The following CRISPLD2 variants were observed in gnomAD, a reference collection of about 807,000 sequenced individuals.
CRISPLD2 encodes cysteine rich secretory protein LCCL domain containing 2, also known as cysteine-rich secretory protein LCCL domain-containing 2.
In CRISPLD2, 47 loss-of-function variants were observed where a neutral mutation model predicts 71.1. The ratio of observed to expected loss-of-function variants is 0.66; its 90% confidence interval spans 0.52 to 0.84. The LOEUF (loss-of-function observed/expected upper bound fraction) is 0.84. Among genes scored for constraint, CRISPLD2 ranks in the 40% least tolerant of loss-of-function variants. The pLI is 0.00. For missense variants in CRISPLD2, 830 were observed against 651.1 expected (o/e 1.27, Z -2.99); for synonymous variants, 317 against 250.1 (o/e 1.27, Z -2.52).
At chr16:84,902,473 G>A (rs2071763821) in intron 14 of CRISPLD2, among the ~76,000 whole-genome samples, 1 of 151,716 alleles carries the variant, frequency 6.6e-6, no homozygotes, top group Admixed American at 6.6e-5. Flanking sequence ...AGCCAGGCGT[G>A]GTGTTGGACA....
chr16:84,833,630 C>A (rs1916541511), intron 1 of CRISPLD2, among the ~76,000 whole-genome samples: 1 of 152,188 alleles, frequency 6.6e-6, no homozygotes, highest in South Asian at 2.1e-4. Flanking sequence ...GCTAGGAGGG[C>A]ACTCTGCAGG....
In CRISPLD2 at chr16:84,845,833, G is replaced by C. The variant is rs770486357; in HGVS notation, c.288G>C (p.Gln96His). Residue 96 changes from glutamine (Q) to histidine (H), a missense_variant, in exon 3 of 15, where the codon CAG becomes CAC. Transcript: ENST00000262424. ...LEKSAAAWAS[Q>H]CIWEHGPTSL... ...AGTCTGCTGCAGCGTGGGCCAGTCA[G>C]TGCATCTGGGAGCACGGGCCCACCA... The C allele has an allele frequency of 8.7e-6, 14 of 1,614,010 alleles. No individual in the cohort carries two copies. The highest frequency in any genetic ancestry group is 1.1e-5 in the Non-Finnish European group (13 of 1,179,968).
At chr16:84,904,244 G>A (rs2646112) in intron 14 of CRISPLD2, among the ~76,000 whole-genome samples, 29,919 of 152,114 alleles carry the variant, frequency 0.2, 5,056 homozygotes, top group East Asian at 0.47. Flanking sequence ...TACAGCGACA[G>A]TGATCAAGAT....
chr16:84,865,139 C>T (rs1917499434), intron 6 of CRISPLD2, among the ~76,000 whole-genome samples: 1 of 151,906 alleles, frequency 6.6e-6, no homozygotes, highest in Non-Finnish European at 1.5e-5. Context: ...GATTGAGGAA[C>T]ACCTGATGAA....
chr16:84,889,841 A>G (rs1382818716), intron 14 of CRISPLD2, among the ~76,000 whole-genome samples: 1 of 151,938 alleles, frequency 6.6e-6, no homozygotes, highest in Non-Finnish European at 1.5e-5. Context: ...CATACTAGTC[A>G]TATAAAGCTA....
rs73251595 is a variant in CRISPLD2 at position 84,884,720 on chromosome 16, G to T, written c.1305+4136G>T. Among the ~76,000 whole-genome samples the T allele has an allele frequency of 1.8e-3, 269 of 152,290 alleles. 1 individual carries two copies. Among genetic ancestry groups the T allele is most frequent in the African/African-American group, 6.0e-3 (248 of 41,562 alleles). On this transcript the variant is annotated intron_variant, in intron 13 of 14. Transcript: ENST00000262424. Reference sequence around the variant, plus strand: ...CGGGCCTGTGGAGTGAGAAAGATCCGGCCATGGGTGTGAGCTTTTCGTACT... The same window carrying T: ...CGGGCCTGTGGAGTGAGAAAGATCCTGCCATGGGTGTGAGCTTTTCGTACT...
chr16:84,853,548 G>A (rs745639861), intron 5 of CRISPLD2, among the ~76,000 whole-genome samples: 28 of 152,188 alleles, frequency 1.8e-4, no homozygotes, highest in Admixed American at 1.4e-3. Context: ...CAGGCCCCTC[G>A]GTGAGGCCAG....
At chr16:84,845,573 G>T (rs1284532272) in intron 2 of CRISPLD2, among the ~76,000 whole-genome samples, 1 of 152,246 alleles carries the variant, frequency 6.6e-6, no homozygotes, top group Non-Finnish European at 1.5e-5. Flanking sequence ...CCTCTGGCAA[G>T]TTAGAGGCCC....
At chr16:84,859,878 T>C (rs1261456689) in intron 6 of CRISPLD2, among the ~76,000 whole-genome samples, 1 of 152,248 alleles carries the variant, frequency 6.6e-6, no homozygotes, top group Non-Finnish European at 1.5e-5. Flanking sequence ...ATCATTCCCA[T>C]TGCATTTAAA....
intron 2 of CRISPLD2, 106 bp from the exon 3 acceptor site, chr16:84,845,680 G>A (rs12931881): frequency 0.37 from 282,570 of 764,120 alleles, 56,101 homozygotes; most frequent in South Asian, 0.44. Context: ...GCAGAGCATT[G>A]GCTGTAGGCT....
rs147745714 is a variant in CRISPLD2, at chr16:84,857,387, C to T, written c.709+2558C>T. Among the ~76,000 whole-genome samples the T allele has an allele frequency of 2.0e-4, 31 of 152,320 alleles. No individual in the cohort carries two copies. The East Asian group carries it at 4.6e-3, about 23-fold the overall frequency. ...ATGGGATACAAACATCTTCACAGTT[C>T]GTGACCACTCAGAGAGATCCATCCA... On this transcript the variant is annotated intron_variant, in intron 6 of 14. Coordinates refer to ENST00000262424, the MANE Select transcript of CRISPLD2 (RefSeq NM_031476.4).
At chr16:84,857,566 G>A (rs1226407813) in intron 6 of CRISPLD2, among the ~76,000 whole-genome samples, 1 of 152,196 alleles carries the variant, frequency 6.6e-6, no homozygotes, top group East Asian at 1.9e-4. Context: ...GTACAGCCAG[G>A]TGCACTGCTC....
At chr16:84,852,663 G>GT (rs1218129389) in intron 5 of CRISPLD2, among the ~76,000 whole-genome samples, 7 of 152,100 alleles carry the variant, frequency 4.6e-5, no homozygotes, top group Non-Finnish European at 7.4e-5. Flanking sequence ...GAGTTTGGGT[G>GT]TGGGGGGGGT....
In CRISPLD2 at chr16:84,838,661, AAGG is replaced by A; in HGVS notation, c.172_174del (p.Glu58del). ...CCGCAGAGCCATCCCCAGGGAGGAC[AAGG>A]AGGAGATCCTCATGCTGCACAACAA... On this transcript the variant is annotated inframe_deletion, in exon 2 of 15. Coordinates refer to ENST00000262424, the MANE Select transcript of CRISPLD2 (RefSeq NM_031476.4). The A allele has an allele frequency of 6.2e-7, 1 of 1,614,248 alleles. No homozygotes were observed. The highest frequency in any genetic ancestry group is 8.5e-7 in the Non-Finnish European group (1 of 1,180,038).
chr16:84,835,475 C>G lies in CRISPLD2; in HGVS notation c.-74-2947C>G, dbSNP rs530297991. Reference sequence around the variant, plus strand: ...CAGATCTGGAGGAGCCTCATCCCCTCCCAAGCAGGGACCCTCCGACCCACC... The same window carrying G: ...CAGATCTGGAGGAGCCTCATCCCCTGCCAAGCAGGGACCCTCCGACCCACC... On this transcript the variant is annotated intron_variant, in intron 1 of 14. Transcript: ENST00000262424. Among the ~76,000 whole-genome samples, 3 of 152,290 alleles carry G rather than the reference C, an allele frequency of 2.0e-5. No individual in the cohort carries two copies. The East Asian group carries it at 5.8e-4, about 29-fold the overall frequency.
chr16:84,877,230 G>A (rs759641800), intron 11 of CRISPLD2, among the ~76,000 whole-genome samples: 1 of 152,074 alleles, frequency 6.6e-6, no homozygotes. Context: ...CCCTCAACCC[G>A]CCAACACATG....
intron 8 of CRISPLD2, among the ~76,000 whole-genome samples, chr16:84,869,152 C>A (rs1483070403): frequency 6.6e-6 from 1 of 152,188 alleles, no homozygotes; most frequent in African/African-American, 2.4e-5. Context: ...TGGGCCCCAC[C>A]AGACAGATGG....
intron 13 of CRISPLD2, among the ~76,000 whole-genome samples, chr16:84,887,399 C>A (rs777043638): frequency 6.6e-6 from 1 of 152,328 alleles, no homozygotes; most frequent in Non-Finnish European, 1.5e-5. Flanking sequence ...TGACATCACT[C>A]GGTTGTGAAT....
rs532490551 is a variant in CRISPLD2 at position 84,826,065 on chromosome 16, C to T, written c.-75+5932C>T. ...ATCAGAAGCTGTGGGGTGGGGCTGG[C>T]AGTCTGTTGTAACAAAGCATCCTGT... On this transcript the variant is annotated intron_variant, in intron 1 of 14. Coordinates refer to ENST00000262424, the MANE Select transcript of CRISPLD2 (RefSeq NM_031476.4). Among the ~76,000 whole-genome samples the T allele has an allele frequency of 8.5e-5, 13 of 152,264 alleles. No individual in the cohort carries two copies. The South Asian group carries it at 2.5e-3, about 29-fold the overall frequency.
Sources: gnomAD v4.1 joint callset for allele counts (sites outside exome capture counted in the v4.1 genomes callset) on GRCh38, gnomAD v4.1.1 for gene constraint, MANE v1.5 for transcripts, NCBI Gene and HGNC (gene_info 2026-07-23, HGNC 2026-07-21) for gene names.